The following KIFAP3 variants were observed in gnomAD, a reference collection of about 807,000 sequenced individuals.
The protein encoded by KIFAP3 is kinesin associated protein 3.
KIFAP3 carries 68 observed loss-of-function variants against 106.5 expected under a neutral mutation model. The observed-to-expected ratio is 0.64, with a 90% CI of 0.53 to 0.78. The LOEUF (loss-of-function observed/expected upper bound fraction) is 0.78, where lower values mean the gene tolerates loss of function less well. Among genes scored for constraint, KIFAP3 ranks in the 30% least tolerant of loss-of-function variants. KIFAP3 has a pLI of 0.00. For synonymous variants in KIFAP3, 320 were observed against 311.5 expected (o/e 1.03, Z -0.29); for missense variants, 780 against 941.8 (o/e 0.83, Z 2.25).
chr1:169,961,697 C>T (rs190632953), intron 17 of KIFAP3, among the ~76,000 whole-genome samples: 1 of 152,184 alleles, frequency 6.6e-6, no homozygotes, highest in Non-Finnish European at 1.5e-5. Context: ...TCAGCCTACT[C>T]AATGTGAAGA....
At chr1:169,968,612 T>C (rs1665750937) in intron 17 of KIFAP3, among the ~76,000 whole-genome samples, 1 of 151,884 alleles carries the variant, frequency 6.6e-6, no homozygotes, top group South Asian at 2.1e-4. Context: ...AAAATATTTA[T>C]CCCAATAATA....
chr1:169,953,734 T>A (rs1664854246), intron 19 of KIFAP3, among the ~76,000 whole-genome samples: 1 of 152,214 alleles, frequency 6.6e-6, no homozygotes, highest in African/African-American at 2.4e-5. Context: ...CAGGATGGTC[T>A]CGATCTCCTG....
chr1:170,046,945 A>T lies in KIFAP3; in HGVS notation c.165-79T>A, dbSNP rs1670289493. The T allele has an allele frequency of 3.9e-6, 3 of 777,600 alleles. No homozygotes were observed. In the South Asian group the frequency reaches 1.3e-4, roughly 33 times the overall value. The allele number at this position is 777,600 out of a possible 1,614,324, so 48.2% of individuals were successfully genotyped here. On this transcript the variant is annotated intron_variant, in intron 2 of 19. Coordinates refer to ENST00000361580, the MANE Select transcript of KIFAP3 (RefSeq NM_014970.4). ...ATACTACTACTTTAAAATAATTTATAGATTATAAATTATTATAGAGAACCT... is the reference window on the plus strand; with the variant it reads ...ATACTACTACTTTAAAATAATTTATTGATTATAAATTATTATAGAGAACCT...
intron 1 of KIFAP3, among the ~76,000 whole-genome samples, chr1:170,055,870 A>C (rs997762733): frequency 1.3e-5 from 2 of 152,164 alleles, no homozygotes; most frequent in Non-Finnish European, 2.9e-5. Context: ...GATGGCTCAC[A>C]CCTGTAATCC....
intron 19 of KIFAP3, among the ~76,000 whole-genome samples, chr1:169,940,523 C>T (rs1206015412): frequency 6.6e-6 from 1 of 152,130 alleles, no homozygotes; most frequent in African/African-American, 2.4e-5. Context: ...CTCAGATCAT[C>T]AAGCATTAGT....
intron 1 of KIFAP3, among the ~76,000 whole-genome samples, chr1:170,071,515 C>T (rs1000692598): frequency 2.7e-4 from 41 of 152,306 alleles, no homozygotes; most frequent in African/African-American, 9.6e-4. Flanking sequence ...ATGACTCTGG[C>T]TTCCAGTGAG....
At chr1:170,012,084 T>C (rs1668269718) in intron 10 of KIFAP3, among the ~76,000 whole-genome samples, 1 of 152,058 alleles carries the variant, frequency 6.6e-6, no homozygotes, top group Non-Finnish European at 1.5e-5. Context: ...AATTCATTTT[T>C]TAAAAAATAT....
intron 10 of KIFAP3, 96 bp downstream of exon 10, chr1:170,016,366 T>C (rs1254848935): frequency 2.2e-6 from 2 of 898,668 alleles, no homozygotes; most frequent in Non-Finnish European, 1.7e-6. Flanking sequence ...ATAGACAGAA[T>C]GCTTTTTGTT....
At chr1:169,956,825 G>A (rs1665041370) in intron 18 of KIFAP3, among the ~76,000 whole-genome samples, 1 of 151,946 alleles carries the variant, frequency 6.6e-6, no homozygotes, top group Non-Finnish European at 1.5e-5. Context: ...TTGAACTTCT[G>A]GCCTCAAGTG....
At chr1:169,943,675 TG>T (rs545568457) in intron 19 of KIFAP3, among the ~76,000 whole-genome samples, 113 of 152,344 alleles carry the variant, frequency 7.4e-4, no homozygotes, top group African/African-American at 2.4e-3. Context: ...AGGTCAAATA[TG>T]TCATAAGAAC....
In KIFAP3 at chr1:169,966,612, G is replaced by A. The variant is rs1665646153; in HGVS notation, c.1984-5377C>T. 5.3e-5 allele frequency among the ~76,000 whole-genome samples: 8 copies of A among 151,718 alleles called. No homozygotes were observed. The South Asian group carries it at 1.7e-3, about 31-fold the overall frequency. Reference sequence around the variant, plus strand: ...AGTAATATTTTCATTGTTGAAAATGGAAAATTACAGGAAAAATGCCTATAA... The same window carrying A: ...AGTAATATTTTCATTGTTGAAAATGAAAAATTACAGGAAAAATGCCTATAA... On this transcript the variant is annotated intron_variant, in intron 17 of 19. Transcript: ENST00000361580.
exon 1 of KIFAP3, chr1:170,085,167 G>A (rs1256010189): frequency 1.3e-5 from 2 of 152,084 alleles, no homozygotes; most frequent in Non-Finnish European, 2.9e-5. Context: ...TAATACAAAG[G>A]AGATTTCAGT....
At chr1:170,027,474 T>C (rs1406775517) in intron 8 of KIFAP3, among the ~76,000 whole-genome samples, 2 of 152,194 alleles carry the variant, frequency 1.3e-5, no homozygotes, top group Non-Finnish European at 2.9e-5. Flanking sequence ...GTATTCCAGA[T>C]CTTCTAAAAG....
At chr1:170,042,740 GTTC>G (rs1482208972) in intron 3 of KIFAP3, among the ~76,000 whole-genome samples, 2 of 152,080 alleles carry the variant, frequency 1.3e-5, no homozygotes, top group Admixed American at 6.6e-5. Flanking sequence ...ACTTCATTTT[GTTC>G]TTCTTCTACA....
chr1:169,973,123 A>ATATATATATATATAT (rs1553278139), intron 16 of KIFAP3, among the ~76,000 whole-genome samples: 6 of 128,612 alleles, frequency 4.7e-5, no homozygotes, highest in South Asian at 2.6e-4. Flanking sequence ...ATATATATAT[A>ATATATATATATATAT]AACAACACAA....
rs567022017 is a variant in KIFAP3 at position 170,074,580 on chromosome 1, G to A, written c.-113C>T. 314 of 1,568,128 alleles carry A rather than the reference G, an allele frequency of 2.0e-4. 3 individuals carry two copies. In the African/African-American group the frequency reaches 3.8e-3, roughly 19 times the overall value. On this transcript the variant is annotated 5_prime_UTR_variant, in exon 1 of 20. Coordinates refer to ENST00000361580, the MANE Select transcript of KIFAP3 (RefSeq NM_014970.4). ...CACCCAGAGGCGATGACAGTCCTGA[G>A]GCCTGCAAGGCGGGGCAGCAGCGGC... is the stretch of plus-strand genomic sequence containing the variant.
At chr1:169,940,911 ATGTGTGTGTGTGTG>A (rs3838394) in intron 19 of KIFAP3, among the ~76,000 whole-genome samples, 72,222 of 148,020 alleles carry the variant, frequency 0.49, 17,799 homozygotes, top group Middle Eastern at 0.67. Context: ...TTTAAGAATT[ATGTGTGTGTGTGTG>A]TGTGTGTGTG....
At chr1:169,938,085 T>C (rs1663906911) in intron 19 of KIFAP3, among the ~76,000 whole-genome samples, 1 of 151,966 alleles carries the variant, frequency 6.6e-6, no homozygotes, top group Non-Finnish European at 1.5e-5. Flanking sequence ...GGACTAGAAA[T>C]ATGATTTTAC....
intron 19 of KIFAP3, among the ~76,000 whole-genome samples, chr1:169,937,523 T>C (rs555148044): frequency 2.0e-5 from 3 of 151,980 alleles, no homozygotes; most frequent in Non-Finnish European, 3.0e-5. Flanking sequence ...GGAAACTCTA[T>C]TCATTTTAAG....
Sources: gnomAD v4.1 joint callset for allele counts (sites outside exome capture counted in the v4.1 genomes callset) on GRCh38, gnomAD v4.1.1 for gene constraint, MANE v1.5 for transcripts, NCBI Gene and HGNC (gene_info 2026-07-23, HGNC 2026-07-21) for gene names.